The following TRPM3 variants were observed in gnomAD, a reference collection of about 807,000 sequenced individuals.
TRPM3 encodes the protein long transient receptor potential channel 3.
In TRPM3, 77 loss-of-function variants were observed where a neutral mutation model predicts 181.2. That is an observed-to-expected ratio of 0.42 (90% CI 0.35 to 0.51). The LOEUF is 0.51. Among genes scored for constraint, TRPM3 ranks in the 20% least tolerant of loss-of-function variants. The probability of loss-of-function intolerance (pLI) is 0.01; values close to 1 mark genes in which losing one functional copy is unlikely to be tolerated. For missense variants in TRPM3, 1,759 were observed against 2,196.7 expected (o/e 0.80, Z 3.98); for synonymous variants, 745 against 796.4 (o/e 0.94, Z 1.09).
intron 1 of TRPM3, among the ~76,000 whole-genome samples, chr9:71,340,902 G>T (rs1040262504): frequency 2.0e-5 from 3 of 151,900 alleles, no homozygotes; most frequent in Non-Finnish European, 4.4e-5. Flanking sequence ...GATGATTTGG[G>T]GTGCCAGAAA....
intron 1 of TRPM3, among the ~76,000 whole-genome samples, chr9:71,381,698 A>G (rs532289877): frequency 6.6e-5 from 10 of 152,280 alleles, no homozygotes; most frequent in African/African-American, 2.4e-4. Context: ...GGCTCAGAGA[A>G]GTTAAATGTA....
rs1587986541 is a variant in TRPM3 at position 71,213,967 on chromosome 9, T to C, written c.183+232686A>G. Among the ~76,000 whole-genome samples, 6 of 152,326 alleles carry C rather than the reference T, an allele frequency of 3.9e-5. 1 individual carries two copies. The South Asian group carries it at 1.0e-3, about 26-fold the overall frequency. On this transcript the variant is annotated intron_variant, in intron 1 of 24. Transcript: ENST00000357533. Reference sequence around the variant, plus strand: ...GAAAATTTAAGTCTAAAATCTTACATTGTGATAATTTTTATCTTTTCTTTA... The same window carrying C: ...GAAAATTTAAGTCTAAAATCTTACACTGTGATAATTTTTATCTTTTCTTTA...
chr9:70,742,054 T>G (rs1372753452), intron 8 of TRPM3, among the ~76,000 whole-genome samples: 3 of 152,158 alleles, frequency 2.0e-5, no homozygotes, highest in Non-Finnish European at 4.4e-5. Flanking sequence ...AGTTTTTTAA[T>G]TTTTTAAAAT....
rs367909716 is a variant in TRPM3 at position 71,176,184 on chromosome 9, G to C, written c.183+270469C>G. ...AAAATGTTAACTGTAAACAGCCTCA[G>C]GCAGGTCCTTCAGGAGGTACCCAGA... is the stretch of plus-strand genomic sequence containing the variant. On this transcript the variant is annotated intron_variant, in intron 1 of 24. Coordinates refer to the TRPM3 transcript ENST00000357533. Among the ~76,000 whole-genome samples, 6 of 152,204 alleles carry C rather than the reference G, an allele frequency of 3.9e-5. No individual in the cohort carries two copies. In the South Asian group the frequency reaches 1.2e-3, roughly 32 times the overall value.
chr9:70,921,776 T>C (rs886134830), intron 1 of TRPM3, among the ~76,000 whole-genome samples: 1 of 152,134 alleles, frequency 6.6e-6, no homozygotes, highest in African/African-American at 2.4e-5. Context: ...GATTGCTATA[T>C]AGAGAGGCCC....
chr9:70,688,494 T>C (rs2067589346), intron 8 of TRPM3, among the ~76,000 whole-genome samples: 1 of 152,168 alleles, frequency 6.6e-6, no homozygotes, highest in African/African-American at 2.4e-5. Flanking sequence ...ACTTATGCCT[T>C]TGCATCCTCA....
At chr9:71,349,984 TATATATATATATATATATGG>T (rs903870643) in intron 1 of TRPM3, among the ~76,000 whole-genome samples, 2 of 32,900 alleles carry the variant, frequency 6.1e-5, no homozygotes, top group Admixed American at 4.2e-4. Flanking sequence ...TATATATATA[TATATATATATATATATATGG>T]GCCTAAAAAA....
intron 8 of TRPM3, among the ~76,000 whole-genome samples, chr9:70,690,282 G>T (rs12351403): frequency 0.033 from 5,050 of 152,214 alleles, 90 homozygotes; most frequent in Non-Finnish European, 0.04. Flanking sequence ...ATAGCTATAC[G>T]ATAGATAATC....
Position 70,832,295 on chromosome 9 carries a change from TA to T in TRPM3, c.802-4278del, listed in dbSNP as rs534123206. 2.1e-3 allele frequency among the ~76,000 whole-genome samples: 322 copies of T among 151,554 alleles called. 2 individuals carry two copies. Among genetic ancestry groups the T allele is most frequent in the African/African-American group, 7.4e-3 (307 of 41,306 alleles). On this transcript the variant is annotated intron_variant, in intron 5 of 25. Transcript: ENST00000677713. ...TACCCTAAAACTTAAAGTATAATAATAAAAAAAATAGTAGTATGTATATCTA... is the reference window on the plus strand; with the variant it reads ...TACCCTAAAACTTAAAGTATAATAATAAAAAAATAGTAGTATGTATATCTA...
chr9:70,959,760 T>C lies in TRPM3; in HGVS notation c.178-95249A>G, dbSNP rs536498419. Among the ~76,000 whole-genome samples, 98 of 152,278 alleles carry C rather than the reference T, an allele frequency of 6.4e-4. 1 individual carries two copies. In the South Asian group the frequency reaches 7.9e-3, roughly 12 times the overall value. On this transcript the variant is annotated intron_variant, in intron 1 of 25. Coordinates refer to ENST00000677713, the MANE Select transcript of TRPM3 (RefSeq NM_001366145.2). ...CATTTTGCCTTGGAAAAGTGGTAAGTTTCATTTTCCCGTCCCTTTTAGATT... is the reference window on the plus strand; with the variant it reads ...CATTTTGCCTTGGAAAAGTGGTAAGCTTCATTTTCCCGTCCCTTTTAGATT...
Position 70,669,722 on chromosome 9 carries a change from TTTTC to T in TRPM3, c.1345+11780_1345+11783del, listed in dbSNP as rs565129714. 4.7e-3 allele frequency among the ~76,000 whole-genome samples: 709 copies of T among 150,812 alleles called. 1 individual carries two copies. The highest frequency in any genetic ancestry group is 8.4e-3 in the African/African-American group (344 of 40,888). On this transcript the variant is annotated intron_variant, in intron 9 of 25. Transcript: ENST00000677713. ...TGGTTTCATTTTTCTTTTTCTTTTC[TTTTC>T]TTTCTTTCTTTCTTTCTTTTCTTTT...
intron 1 of TRPM3, among the ~76,000 whole-genome samples, chr9:71,315,849 T>G (rs2088535204): frequency 6.6e-6 from 1 of 152,176 alleles, no homozygotes; most frequent in Non-Finnish European, 1.5e-5. Context: ...TTGATGTAGA[T>G]GTATTATAGT....
Position 70,535,700 on chromosome 9 carries a change from T to G in TRPM3, c.*253A>C. 7.0e-7 allele frequency: 1 copy of G among 1,433,962 alleles called. No individual in the cohort carries two copies. The highest frequency in any genetic ancestry group is 9.1e-7 in the Non-Finnish European group (1 of 1,101,026). The allele number at this position is 1,433,962 out of a possible 1,614,324, so 88.8% of individuals were successfully genotyped here. A position where few individuals can be genotyped will look rare whatever the true frequency, so the allele number is the denominator to read the frequency against. ...CACATTCATCTCTAACCCTTCCTTC[T>G]CCCTCTCTTCCCCCTCCCTGCCCAG... On this transcript the variant is annotated 3_prime_UTR_variant, in exon 26 of 26. Transcript: ENST00000677713.
chr9:70,640,498 C>T, intron 10 of TRPM3, 62 bp downstream of exon 10: 1 of 1,404,020 alleles, frequency 7.1e-7, no homozygotes, highest in Non-Finnish European at 1.0e-6. Context: ...TCAGAGGCTC[C>T]TTAAACAAAT....
At chr9:71,191,881 T>C (rs2078049341) in intron 1 of TRPM3, among the ~76,000 whole-genome samples, 1 of 151,672 alleles carries the variant, frequency 6.6e-6, no homozygotes, top group Non-Finnish European at 1.5e-5. Context: ...TGATGTCATA[T>C]CTGTAAGGTT....
Position 70,772,246 on chromosome 9 carries a change from T to C in TRPM3, c.1149-10522A>G, listed in dbSNP as rs372354383. Among the ~76,000 whole-genome samples the C allele has an allele frequency of 1.7e-4, 26 of 152,178 alleles. No individual in the cohort carries two copies. The East Asian group carries it at 4.6e-3, about 27-fold the overall frequency. Reference sequence around the variant, plus strand: ...TTAAAATTCATTTCCTTTGTCACACTAGCCACAGGTCAAGCACTCAGGGAG... The same window carrying C: ...TTAAAATTCATTTCCTTTGTCACACCAGCCACAGGTCAAGCACTCAGGGAG... On this transcript the variant is annotated intron_variant, in intron 7 of 25. Coordinates refer to ENST00000677713, the MANE Select transcript of TRPM3 (RefSeq NM_001366145.2).
chr9:71,400,286 C>T (rs2093312124), intron 1 of TRPM3, among the ~76,000 whole-genome samples: 1 of 152,106 alleles, frequency 6.6e-6, no homozygotes, highest in Non-Finnish European at 1.5e-5. Flanking sequence ...CTGATCCTTA[C>T]ATTATGGTTG....
chr9:71,190,677 G>A (rs2077965192), intron 1 of TRPM3, among the ~76,000 whole-genome samples: 1 of 151,740 alleles, frequency 6.6e-6, no homozygotes, highest in Non-Finnish European at 1.5e-5. Flanking sequence ...TCTTAATATA[G>A]GGTCTCCATA....
chr9:71,446,541 G>A, intron 1 of TRPM3: 1 of 1,125,094 alleles, frequency 8.9e-7, no homozygotes, highest in Non-Finnish European at 1.2e-6. Context: ...GGCGCCACAA[G>A]TTCCCTGGCT....
Sources: allele counts gnomAD v4.1 joint callset (sites outside exome capture counted in the v4.1 genomes callset), GRCh38; gene constraint gnomAD v4.1.1; transcripts MANE v1.5; gene names NCBI Gene and HGNC (gene_info 2026-07-23, HGNC 2026-07-21).